Variants in ITGB1 observed in about 807,000 individuals in gnomAD.
The protein encoded by ITGB1 is integrin subunit beta 1, also known as integrin beta-1.
Under a neutral mutation model 86.5 loss-of-function variants are expected in ITGB1, and 24 were observed. The ratio of observed to expected loss-of-function variants is 0.28; its 90% confidence interval spans 0.20 to 0.39. The LOEUF is 0.39. Among genes scored for constraint, ITGB1 ranks in the 10% least tolerant of loss-of-function variants. The pLI, the probability that ITGB1 is intolerant of heterozygous loss-of-function variation, is 1.00. For synonymous variants in ITGB1, 323 were observed against 316.8 expected (o/e 1.02, Z -0.21); for missense variants, 556 against 946.9 (o/e 0.59, Z 5.42).
intron 1 of ITGB1, among the ~76,000 whole-genome samples, chr10:32,942,628 G>A (rs1446274245): frequency 6.6e-6 from 1 of 151,902 alleles, no homozygotes; most frequent in Non-Finnish European, 1.5e-5. Flanking sequence ...TGAGGTAAGA[G>A]GACTGCCTGA....
chr10:32,913,158 T>G (rs910838893), intron 11 of ITGB1, among the ~76,000 whole-genome samples: 5 of 152,182 alleles, frequency 3.3e-5, no homozygotes, highest in African/African-American at 1.2e-4. Flanking sequence ...AAACCCCATC[T>G]GTACATCACC....
rs200070655 is a variant in ITGB1 at position 32,900,425 on chromosome 10, T to C, written c.*1145A>G. ...AAGTATTTTAGGCATATTTAATAAATAACTTCAGTAAATAGCACTGTAAAA... is the reference window on the plus strand; with the variant it reads ...AAGTATTTTAGGCATATTTAATAAACAACTTCAGTAAATAGCACTGTAAAA... On this transcript the variant is annotated 3_prime_UTR_variant, in exon 16 of 16. Transcript: ENST00000302278. The C allele has an allele frequency of 1.3e-5, 2 of 152,318 alleles. No individual in the cohort carries two copies. Among genetic ancestry groups the C allele is most frequent in the Non-Finnish European group, 2.9e-5 (2 of 67,938 alleles). 9.4% of individuals were successfully genotyped at this position (152,318 alleles called of 1,614,324 possible). A position where few individuals can be genotyped will look rare whatever the true frequency, so the allele number is the denominator to read the frequency against.
chr10:32,947,733 G>T (rs73251143), intron 1 of ITGB1, among the ~76,000 whole-genome samples: 1 of 152,304 alleles, frequency 6.6e-6, no homozygotes, highest in African/African-American at 2.4e-5. Flanking sequence ...CATGACAGCA[G>T]ATATTTGTGG....
In ITGB1 at chr10:32,929,905, C is replaced by CG; in HGVS notation, c.292dup (p.Arg98ProfsTer2). ...GAGCTTCTCTGCTGTTCCTTTGCTA[C>CG]GGTTGGTTACATTTTTATTTTTCTT... is the stretch of plus-strand genomic sequence containing the variant. On this transcript the variant is annotated frameshift_variant, in exon 4 of 16. Coordinates refer to ENST00000302278, the MANE Select transcript of ITGB1 (RefSeq NM_002211.4). LOFTEE classifies it high-confidence loss of function. 1 of 1,611,186 alleles carries CG rather than the reference C, an allele frequency of 6.2e-7. No homozygotes were observed. Among genetic ancestry groups the CG allele is most frequent in the Non-Finnish European group, 8.5e-7 (1 of 1,177,350 alleles).
intron 1 of ITGB1, among the ~76,000 whole-genome samples, chr10:32,952,825 A>T (rs2095045165): frequency 6.6e-6 from 1 of 152,130 alleles, no homozygotes; most frequent in Non-Finnish European, 1.5e-5. Flanking sequence ...TGTGGTTCCA[A>T]AACAGCTTTG....
At chr10:32,941,369 C>G (rs1040951263) in intron 1 of ITGB1, among the ~76,000 whole-genome samples, 1 of 151,936 alleles carries the variant, frequency 6.6e-6, no homozygotes, top group Admixed American at 6.6e-5. Context: ...ATTATTTTAT[C>G]CTTATAATTT....
intron 1 of ITGB1, among the ~76,000 whole-genome samples, chr10:32,945,571 C>G (rs1354163927): frequency 1.3e-5 from 2 of 151,730 alleles, no homozygotes; most frequent in Admixed American, 1.3e-4. Flanking sequence ...TGCACTCCAG[C>G]CTGGGCGACA....
intron 11 of ITGB1, among the ~76,000 whole-genome samples, chr10:32,918,454 T>A (rs929180736): frequency 6.6e-6 from 1 of 152,046 alleles, no homozygotes; most frequent in African/African-American, 2.4e-5. Flanking sequence ...CCTAATCTGT[T>A]AGGTGGGAGT....
chr10:32,938,591 T>G (rs2095009912), intron 1 of ITGB1, among the ~76,000 whole-genome samples: 1 of 152,218 alleles, frequency 6.6e-6, no homozygotes, highest in African/African-American at 2.4e-5. Context: ...GAAACCCTTG[T>G]GCCTCCGGAA....
intron 4 of ITGB1, among the ~76,000 whole-genome samples, 162 bp downstream of exon 4, chr10:32,929,660 A>G (rs1161646201): frequency 3.9e-5 from 6 of 152,232 alleles, no homozygotes; most frequent in South Asian, 4.1e-4. Flanking sequence ...TACAATTGTT[A>G]TATCTGCAAA....
At position 32,928,297 on chromosome 10, in the gene ITGB1, G is replaced by C. The variant is rs1454745279; in HGVS notation, c.377-33C>G. On this transcript the variant is annotated intron_variant, in intron 4 of 15. Coordinates refer to ENST00000302278, the MANE Select transcript of ITGB1 (RefSeq NM_002211.4). ...GACAAGAGATTAGAAAATGAAACTTGCCTGTTGGCAATCAAACGCAAACGA... is the reference window on the plus strand; with the variant it reads ...GACAAGAGATTAGAAAATGAAACTTCCCTGTTGGCAATCAAACGCAAACGA... 3 of 796,404 alleles carry C rather than the reference G, an allele frequency of 3.8e-6. No individual in the cohort carries two copies. The Admixed American group carries it at 6.4e-5, about 17-fold the overall frequency. The allele number at this position is 796,404 out of a possible 1,614,324, so 49.3% of individuals were successfully genotyped here.
intron 13 of ITGB1, 68 bp downstream of exon 13, chr10:32,911,380 G>T: frequency 7.4e-7 from 1 of 1,360,394 alleles, no homozygotes; most frequent in South Asian, 1.2e-5. Context: ...TCTGGTTCTA[G>T]AAACAATACA....
At chr10:32,931,120 A>T (rs1486905076) in intron 3 of ITGB1, among the ~76,000 whole-genome samples, 1 of 152,174 alleles carries the variant, frequency 6.6e-6, no homozygotes, top group Non-Finnish European at 1.5e-5. Context: ...TGTAATCAAC[A>T]ACTGGAAGGG....
chr10:32,928,747 T>A (rs1257944799), intron 4 of ITGB1, among the ~76,000 whole-genome samples: 1 of 149,820 alleles, frequency 6.7e-6, no homozygotes. Context: ...TATTTATTAT[T>A]ATTTATTATT....
chr10:32,902,582 G>C (rs761721303), intron 15 of ITGB1, among the ~76,000 whole-genome samples: 18 of 152,020 alleles, frequency 1.2e-4, no homozygotes, highest in Non-Finnish European at 2.1e-4. Context: ...AAAAATACTT[G>C]TTAACTACCA....
At chr10:32,928,670 G>GC (rs539192293) in intron 4 of ITGB1, among the ~76,000 whole-genome samples, 91 of 152,206 alleles carry the variant, frequency 6.0e-4, no homozygotes, top group African/African-American at 2.1e-3. Context: ...GCCACTCCCT[G>GC]CAAGTGAATA....
chr10:32,927,437 A>G (rs554464277), intron 5 of ITGB1, among the ~76,000 whole-genome samples: 30 of 152,314 alleles, frequency 2.0e-4, no homozygotes, highest in Middle Eastern at 3.4e-3. Flanking sequence ...CTGTACGGGC[A>G]GGTGCAGACA....
intron 15 of ITGB1, 146 bp downstream of exon 15, chr10:32,908,222 T>A (rs912264851): frequency 1.4e-6 from 1 of 737,520 alleles, no homozygotes; most frequent in African/African-American, 1.8e-5. Context: ...TTTCACTAAA[T>A]GCAAATTCCT....
chr10:32,918,093 G>A (rs1482067730), intron 11 of ITGB1, among the ~76,000 whole-genome samples: 1 of 152,136 alleles, frequency 6.6e-6, no homozygotes, highest in Non-Finnish European at 1.5e-5. Context: ...CTATCGCAAG[G>A]ACAGAAAACC....
Sources: gnomAD v4.1 joint callset for allele counts (sites outside exome capture counted in the v4.1 genomes callset) on GRCh38, gnomAD v4.1.1 for gene constraint, MANE v1.5 for transcripts, NCBI Gene and HGNC (gene_info 2026-07-23, HGNC 2026-07-21) for gene names.